The following RAB21 variants were observed in gnomAD, a reference collection of about 807,000 sequenced individuals.
RAB21 encodes the protein ras-related protein Rab-21.
RAB21 carries 13 observed loss-of-function variants against 33.1 expected under a neutral mutation model. That is an observed-to-expected ratio of 0.39 (90% confidence interval 0.26 to 0.62). The LOEUF (loss-of-function observed/expected upper bound fraction) is 0.62, where lower values mean the gene tolerates loss of function less well. RAB21 is among the 20% of genes least tolerant of loss of function. The pLI is 0.48. For missense variants in RAB21, 234 were observed against 279.1 expected (o/e 0.84, Z 1.15); for synonymous variants, 91 against 103.7 (o/e 0.88, Z 0.74).
At chr12:71,758,687 C>T (rs1030069377) in intron 1 of RAB21, among the ~76,000 whole-genome samples, 5 of 151,906 alleles carry the variant, frequency 3.3e-5, no homozygotes, top group African/African-American at 9.7e-5. Flanking sequence ...GCTATGTTGC[C>T]CAGGCTGTTG....
rs1883410636 is a variant in RAB21, at chr12:71,793,072, A to C, written c.*7399A>C. 1 of 152,230 alleles carries C rather than the reference A, an allele frequency of 6.6e-6. No homozygotes were observed. The highest frequency in any genetic ancestry group is 2.4e-5 in the African/African-American group (1 of 41,468). The allele number at this position is 152,230 out of a possible 1,614,324, so 9.4% of individuals were successfully genotyped here. A position where few individuals can be genotyped will look rare whatever the true frequency, so the allele number is the denominator to read the frequency against. On this transcript the variant is annotated 3_prime_UTR_variant, in exon 7 of 7. Transcript: ENST00000261263. Reference sequence around the variant, plus strand: ...GGGTAATTAAGTGATCCTCTAACCCAAATTGCTTTTCCAAATTTTGTGGTA... The same window carrying C: ...GGGTAATTAAGTGATCCTCTAACCCCAATTGCTTTTCCAAATTTTGTGGTA...
At position 71,757,461 on chromosome 12, in the gene RAB21, C is replaced by A. The variant is rs190682181; in HGVS notation, c.159+2173C>A. 2.6e-4 allele frequency among the ~76,000 whole-genome samples: 39 copies of A among 152,274 alleles called. No individual in the cohort carries two copies. The East Asian group carries it at 5.0e-3, about 20-fold the overall frequency. ...TTCCATTTTAAATTTCTAAAACATTCTTGAAACTGAAAGCAGAGTAAAGGT... is the reference window on the plus strand; with the variant it reads ...TTCCATTTTAAATTTCTAAAACATTATTGAAACTGAAAGCAGAGTAAAGGT... On this transcript the variant is annotated intron_variant, in intron 1 of 6. Transcript: ENST00000261263.
At chr12:71,782,188 G>C (rs558534583) in intron 5 of RAB21, 103 bp downstream of exon 5, 2 of 1,101,218 alleles carry the variant, frequency 1.8e-6, no homozygotes, top group African/African-American at 3.1e-5. Flanking sequence ...CTCTTAGCAT[G>C]GATTGAGGTG....
intron 3 of RAB21, among the ~76,000 whole-genome samples, chr12:71,773,487 AT>A (rs1344006931): frequency 6.6e-6 from 1 of 150,980 alleles, no homozygotes; most frequent in African/African-American, 2.4e-5. Flanking sequence ...TAGCACTCTA[AT>A]TTTTTTTGGT....
rs763386311 is a variant in RAB21, at chr12:71,755,176, G to A, written c.47G>A (p.Arg16Gln). ...GGGGGAAAAG[R>Q]AYSFKVVLLG... ...GGCGGCGGGGCGGCGGCGGCGGGCC[G>A]AGCCTACTCGTTCAAGGTGGTGCTG... Residue 16 changes from arginine to glutamine, a missense_variant, in exon 1 of 7, where the codon CGA becomes CAA. Physicochemically the swap from Arg to Gln is conservative, Grantham distance 43. Coordinates refer to ENST00000261263, the MANE Select transcript of RAB21 (RefSeq NM_014999.4). 30 of 1,400,008 alleles carry A rather than the reference G, an allele frequency of 2.1e-5. No individual in the cohort carries two copies. In the South Asian group the frequency reaches 4.0e-4, roughly 19 times the overall value. 86.7% of individuals were successfully genotyped at this position (1,400,008 alleles called of 1,614,324 possible).
At chr12:71,776,940 C>T (rs940098817) in intron 4 of RAB21, among the ~76,000 whole-genome samples, 1 of 152,066 alleles carries the variant, frequency 6.6e-6, no homozygotes, top group African/African-American at 2.4e-5. Context: ...GCTGTTAATT[C>T]TGATTTAGTG....
At chr12:71,780,949 C>G (rs976862310) in intron 4 of RAB21, among the ~76,000 whole-genome samples, 1 of 152,076 alleles carries the variant, frequency 6.6e-6, no homozygotes, top group African/African-American at 2.4e-5. Context: ...TTATCGTTAT[C>G]TACTGTTTTT....
intron 5 of RAB21, chr12:71,782,341 T>C (rs1276885960): frequency 1.9e-6 from 1 of 520,736 alleles, no homozygotes; most frequent in Non-Finnish European, 3.4e-6. Flanking sequence ...CCAGAAAAAC[T>C]TTTGAAGTAT....
At chr12:71,772,775 G>T (rs535736195) in intron 3 of RAB21, among the ~76,000 whole-genome samples, 8 of 152,102 alleles carry the variant, frequency 5.3e-5, no homozygotes, top group African/African-American at 1.4e-4. Context: ...TGAAAACTTT[G>T]TACATATATG....
chr12:71,783,169 T>G lies in RAB21; in HGVS notation c.535+511T>G, dbSNP rs933457232. On this transcript the variant is annotated intron_variant, in intron 6 of 6. Coordinates refer to ENST00000261263, the MANE Select transcript of RAB21 (RefSeq NM_014999.4). ...TTAAAATAATTTAGGAATAAAGTTA[T>G]GGGTCTGAGATTTGACTCAAAATAA... 2.0e-5 allele frequency among the ~76,000 whole-genome samples: 3 copies of G among 152,064 alleles called. No homozygotes were observed. In the East Asian group the frequency reaches 5.8e-4, roughly 29 times the overall value.
intron 1 of RAB21, among the ~76,000 whole-genome samples, chr12:71,760,607 A>G (rs1882858077): frequency 6.6e-6 from 1 of 152,194 alleles, no homozygotes; most frequent in Non-Finnish European, 1.5e-5. Flanking sequence ...TACTTTAACT[A>G]TCAGTTACTT....
chr12:71,773,368 AACAT>A, intron 3 of RAB21, among the ~76,000 whole-genome samples: 1 of 152,320 alleles, frequency 6.6e-6, no homozygotes, highest in Non-Finnish European at 1.5e-5. Flanking sequence ...GATGTTACTA[AACAT>A]ACATTGCACA....
chr12:71,784,307 G>C (rs951239058), intron 6 of RAB21, among the ~76,000 whole-genome samples: 3 of 152,000 alleles, frequency 2.0e-5, no homozygotes, highest in African/African-American at 7.2e-5. Flanking sequence ...TTTCAGTGAG[G>C]TCCAGTTTAT....
rs1387799623 is a variant in RAB21, at chr12:71,793,134, A to T, written c.*7461A>T. On this transcript the variant is annotated 3_prime_UTR_variant, in exon 7 of 7. Transcript: ENST00000261263. Reference sequence around the variant, plus strand: ...ACTGATGCCTCCTGCTTATTTAGACAGCAGCCATTTTTGTTTGGTTTGGTT... The same window carrying T: ...ACTGATGCCTCCTGCTTATTTAGACTGCAGCCATTTTTGTTTGGTTTGGTT... 2 of 152,192 alleles carry T rather than the reference A, an allele frequency of 1.3e-5. No homozygotes were observed. The highest frequency in any genetic ancestry group is 2.9e-5 in the Non-Finnish European group (2 of 68,042). 9.4% of individuals were successfully genotyped at this position (152,192 alleles called of 1,614,324 possible).
chr12:71,763,771 G>A (rs1026167173), intron 1 of RAB21, among the ~76,000 whole-genome samples: 1 of 152,124 alleles, frequency 6.6e-6, no homozygotes, highest in African/African-American at 2.4e-5. Context: ...GAGAATATTT[G>A]GGGAGGTTAG....
At chr12:71,760,302 C>T (rs1377062142) in intron 1 of RAB21, among the ~76,000 whole-genome samples, 4 of 152,076 alleles carry the variant, frequency 2.6e-5, no homozygotes, top group Non-Finnish European at 5.9e-5. Context: ...TAGTGTGGCT[C>T]TCTTTTTCCA....
chr12:71,756,211 C>T lies in RAB21; in HGVS notation c.159+923C>T, dbSNP rs184255799. ...TCCAGGTTCATGTCTCACCTCCATC[C>T]ATTTAACTAGCTGTGTCATACTGGG... On this transcript the variant is annotated intron_variant, in intron 1 of 6. Coordinates refer to ENST00000261263, the MANE Select transcript of RAB21 (RefSeq NM_014999.4). 4.9e-3 allele frequency among the ~76,000 whole-genome samples: 745 copies of T among 152,304 alleles called. 8 individuals carry two copies. The highest frequency in any genetic ancestry group is 0.017 in the African/African-American group (710 of 41,558).
At chr12:71,771,198 C>T (rs1883037228) in intron 3 of RAB21, among the ~76,000 whole-genome samples, 1 of 152,168 alleles carries the variant, frequency 6.6e-6, no homozygotes, top group Non-Finnish European at 1.5e-5. Flanking sequence ...TTAAAGTTAT[C>T]TCATTAGTTT....
At chr12:71,778,338 CGTA>C (rs1473066528) in intron 4 of RAB21, among the ~76,000 whole-genome samples, 27 of 152,122 alleles carry the variant, frequency 1.8e-4, no homozygotes. Context: ...TATTATTAAT[CGTA>C]GTCACCATTT....
Sources: gnomAD v4.1 joint callset for allele counts (sites outside exome capture counted in the v4.1 genomes callset) on GRCh38, gnomAD v4.1.1 for gene constraint, MANE v1.5 for transcripts, NCBI Gene and HGNC (gene_info 2026-07-23, HGNC 2026-07-21) for gene names.